Variants in LRP1 observed in about 807,000 individuals in gnomAD.
LRP1 encodes the protein prolow-density lipoprotein receptor-related protein 1.
A neutral mutation model predicts 541.5 loss-of-function variants in LRP1; 51 were observed. The ratio of observed to expected loss-of-function variants is 0.09; its 90% CI spans 0.08 to 0.12. The LOEUF is 0.12. Among genes scored for constraint, LRP1 ranks in the 10% least tolerant of loss-of-function variants. The pLI, the probability that LRP1 is intolerant of heterozygous loss-of-function variation, is 1.00. For synonymous variants in LRP1, 2,219 were observed against 2,470.8 expected (o/e 0.90, Z 3.02); for missense variants, 3,878 against 6,376.2 (o/e 0.61, Z 13.34).
chr12:57,206,528 C>A lies in LRP1; in HGVS notation c.11646C>A (p.Phe3882Leu). ...ATGACAATGAGATCCGCAGCCTGTTCCCCGGCCACCCCCATTCGGCTTACG... is the reference window on the plus strand; with the variant it reads ...ATGACAATGAGATCCGCAGCCTGTTACCCGGCCACCCCCATTCGGCTTACG... ...IADDNEIRSL[F>L]PGHPHSAYEQ... Residue 3882 changes from phenylalanine to leucine, a missense_variant, in exon 76 of 89, where the codon TTC (phenylalanine) becomes TTA (leucine). Coordinates refer to ENST00000243077, the MANE Select transcript of LRP1 (RefSeq NM_002332.3). This position sits in a 1 kb window ranked among gnomAD's most constrained non-coding sequence, Gnocchi z 4.7. 2 of 1,614,158 alleles carry A rather than the reference C, an allele frequency of 1.2e-6. No individual in the cohort carries two copies. Among genetic ancestry groups the A allele is most frequent in the Non-Finnish European group, 1.7e-6 (2 of 1,180,038 alleles).
At chr12:57,191,947 A>G (rs372447990) in intron 44 of LRP1, among the ~76,000 whole-genome samples, 2 of 87,184 alleles carry the variant, frequency 2.3e-5, no homozygotes, top group African/African-American at 4.7e-5. Context: ...CACACCACAT[A>G]CACACACCAC....
In LRP1 at chr12:57,145,285, G is replaced by A. The variant is rs760353175; in HGVS notation, c.636G>A (p.Thr212=). ...CCAACTCCCAGAACATCTTGGCCAC[G>A]TACCTGAGTGGGGCCCAGGTGTCTA... is the stretch of plus-strand genomic sequence containing the variant. The part of the protein sequence containing the change: ...LIANSQNILA[T]YLSGAQVSTI... The change falls in exon 6 of 89, where the codon ACG becomes ACA. Residue 212 remains threonine (T), a synonymous_variant. Coordinates refer to ENST00000243077, the MANE Select transcript of LRP1 (RefSeq NM_002332.3). 2.5e-6 allele frequency: 4 copies of A among 1,614,144 alleles called. No homozygotes were observed. Among genetic ancestry groups the A allele is most frequent in the South Asian group, 1.1e-5 (1 of 91,086 alleles).
chr12:57,138,357 G>A, intron 1 of LRP1, 102 bp from the exon 2 acceptor site: 1 of 1,427,960 alleles, frequency 7.0e-7, no homozygotes, highest in South Asian at 1.3e-5. Flanking sequence ...TGGGCCAGAT[G>A]GAGACTGATG....
chr12:57,204,614 CT>C lies in LRP1; in HGVS notation c.11072-12del. ...AGACTAATTCTGGCTCTGTGTCCCC[CT>C]GGCTGCTGCAGCCCGGTTCGTGTGC... On this transcript the variant is annotated splice_polypyrimidine_tract_variant and intron_variant, in intron 71 of 88. Transcript: ENST00000243077. This position sits in a 1 kb window ranked among gnomAD's most constrained non-coding sequence, Gnocchi z 5.3. 6.2e-7 allele frequency: 1 copy of C among 1,613,664 alleles called. No homozygotes were observed. Among genetic ancestry groups the C allele is most frequent in the Non-Finnish European group, 8.5e-7 (1 of 1,179,812 alleles).
At position 57,161,139 on chromosome 12, in the gene LRP1, G is replaced by A. The variant is rs147762601; in HGVS notation, c.2202+24G>A. On this transcript the variant is annotated intron_variant, in intron 13 of 88. Transcript: ENST00000243077. ...AGGTGGGCAGGCATGTGCCTGTGTG[G>A]GGGAATCTGTGTGTGTTGCTAGACC... The A allele has an allele frequency of 4.4e-6, 7 of 1,605,754 alleles. No individual in the cohort carries two copies. The African/African-American group carries it at 6.7e-5, about 15-fold the overall frequency.
chr12:57,146,797 G>A (rs1300479902), intron 6 of LRP1: 2 of 152,520 alleles, frequency 1.3e-5, no homozygotes, highest in East Asian at 1.9e-4. Context: ...AGCTCTTAAC[G>A]AGTGGGCGAC....
At position 57,210,359 on chromosome 12, in the gene LRP1, C is replaced by T; in HGVS notation, c.12633C>T (p.Phe4211=). 1 of 1,598,254 alleles carries T rather than the reference C, an allele frequency of 6.3e-7. No homozygotes were observed. Among genetic ancestry groups the T allele is most frequent in the Non-Finnish European group, 8.5e-7 (1 of 1,171,782 alleles). Reference sequence around the variant, plus strand: ...AGTGCTTCAACGGTGGCAGCTGTTTCCTCAATGCACGGAGGCAGCCCAAGT... The same window carrying T: ...AGTGCTTCAACGGTGGCAGCTGTTTTCTCAATGCACGGAGGCAGCCCAAGT... ...NLQCFNGGSC[F]LNARRQPKCR... The change falls in exon 82 of 89, where the codon TTC becomes TTT. Residue 4211 remains phenylalanine (F), a synonymous_variant. Coordinates refer to ENST00000243077, the MANE Select transcript of LRP1 (RefSeq NM_002332.3).
chr12:57,205,744 G>A lies in LRP1; in HGVS notation c.11590+67G>A, dbSNP rs537362455. 8 of 1,583,910 alleles carry A rather than the reference G, an allele frequency of 5.1e-6. No individual in the cohort carries two copies. Among genetic ancestry groups the A allele is most frequent in the South Asian group, 3.4e-5 (3 of 89,330 alleles). On this transcript the variant is annotated intron_variant, in intron 75 of 88. Transcript: ENST00000243077. This position sits in a 1 kb window ranked among gnomAD's most constrained non-coding sequence, Gnocchi z 4.6. ...GGCGACCAGGATATCAAACGGGGCC[G>A]ACTTGGAATGGAATGTCTTCCTGCG...
In LRP1 at chr12:57,178,642, A is replaced by G. The variant is rs2036098552; in HGVS notation, c.4606+39A>G. The G allele has an allele frequency of 6.2e-7, 1 of 1,612,728 alleles. No homozygotes were observed. Among genetic ancestry groups the G allele is most frequent in the East Asian group, 2.2e-5 (1 of 44,850 alleles). ...GGCCTCGAGCAGCCGGAAGGGAGCCAGCAGCCTCTTTAGAAGCTGTAGAAG... is the reference window on the plus strand; with the variant it reads ...GGCCTCGAGCAGCCGGAAGGGAGCCGGCAGCCTCTTTAGAAGCTGTAGAAG... On this transcript the variant is annotated intron_variant, in intron 27 of 88. Coordinates refer to ENST00000243077, the MANE Select transcript of LRP1 (RefSeq NM_002332.3). The surrounding 1 kb of genome is among the most constrained non-coding windows in gnomAD (Gnocchi z 5.8).
chr12:57,209,597 G>A, intron 79 of LRP1, 95 bp from the exon 80 acceptor site: 5 of 1,052,758 alleles, frequency 4.7e-6, no homozygotes, highest in South Asian at 1.4e-5. Context: ...TGTTGAGTTT[G>A]AGGTGTCTGG....
chr12:57,158,852 C>T lies in LRP1; in HGVS notation c.1798+214C>T, dbSNP rs1212564909. ...GTTAGGATGGGTTAGGCAGCATGGG[C>T]CGTCCTTGCCAGCCCTTGGGAAAAC... is the stretch of plus-strand genomic sequence containing the variant. On this transcript the variant is annotated intron_variant, in intron 11 of 88. Coordinates refer to ENST00000243077, the MANE Select transcript of LRP1 (RefSeq NM_002332.3). This position sits in a 1 kb window ranked among gnomAD's most constrained non-coding sequence, Gnocchi z 5.3. Among the ~76,000 whole-genome samples the T allele has an allele frequency of 6.6e-6, 1 of 152,160 alleles. No homozygotes were observed. Among genetic ancestry groups the T allele is most frequent in the Non-Finnish European group, 1.5e-5 (1 of 68,018 alleles).
intron 6 of LRP1, among the ~76,000 whole-genome samples, chr12:57,145,808 T>G (rs1212169117): frequency 2.0e-5 from 3 of 152,104 alleles, no homozygotes; most frequent in African/African-American, 7.2e-5. Flanking sequence ...GCAGAGGGAC[T>G]TTCCGGTGCA....
rs144580474 is a variant in LRP1, at chr12:57,185,874, C to T, written c.6807C>T (p.Asn2269=). 1,420 of 1,614,032 alleles carry T rather than the reference C, an allele frequency of 8.8e-4. 12 individuals carry two copies. In the African/African-American group the frequency reaches 0.016, roughly 18 times the overall value. Residue 2269 remains asparagine, a synonymous_variant, in exon 41 of 89, where the codon AAC becomes AAT. Coordinates refer to ENST00000243077, the MANE Select transcript of LRP1 (RefSeq NM_002332.3). This position sits in a 1 kb window ranked among gnomAD's most constrained non-coding sequence, Gnocchi z 4.9. ...DIHFGNIQQI[N]DDGSRRITIV... is the part of the protein sequence containing the mutation. ...ACTTTGGGAACATCCAACAGATCAACGACGATGGCTCCAGGAGGATCACCA... is the reference window on the plus strand; with the variant it reads ...ACTTTGGGAACATCCAACAGATCAATGACGATGGCTCCAGGAGGATCACCA...
Position 57,202,543 on chromosome 12 carries a change from T to TGGC in LRP1, c.10711+6_10711+7insGGC. ...CTCCGATGAAGAGAGCTGCAGTACG[T>TGGC]CCCCACCCACCCAGCCCCGCATGAG... On this transcript the variant is annotated splice_region_variant and intron_variant, in intron 68 of 88. Transcript: ENST00000243077. 5.6e-5 allele frequency: 85 copies of TGGC among 1,523,132 alleles called. No individual in the cohort carries two copies. Among genetic ancestry groups the TGGC allele is most frequent in the Non-Finnish European group, 6.6e-5 (74 of 1,124,352 alleles). The allele number at this position is 1,523,132 out of a possible 1,614,324, so 94.4% of individuals were successfully genotyped here.
intron 42 of LRP1, among the ~76,000 whole-genome samples, chr12:57,190,404 C>T (rs1319208006): frequency 6.6e-6 from 1 of 152,244 alleles, no homozygotes; most frequent in Non-Finnish European, 1.5e-5. Flanking sequence ...GTGCTACCAT[C>T]CCCACCTCAT....
intron 42 of LRP1, among the ~76,000 whole-genome samples, 193 bp downstream of exon 42, chr12:57,187,649 G>A (rs1424632181): frequency 6.6e-6 from 1 of 152,196 alleles, no homozygotes; most frequent in African/African-American, 2.4e-5. Flanking sequence ...GATACAAGCT[G>A]GCTAAGATTC....
chr12:57,176,201 C>A, intron 24 of LRP1, 95 bp downstream of exon 24: 1 of 1,229,374 alleles, frequency 8.1e-7, no homozygotes, highest in Admixed American at 2.1e-5. Flanking sequence ...AAAGCAGAGG[C>A]TTGGCTCCCC....
chr12:57,194,806 C>T (rs568462127), intron 50 of LRP1, 107 bp downstream of exon 50: 414 of 1,385,146 alleles, frequency 3.0e-4, no homozygotes, highest in Admixed American at 3.8e-4. Flanking sequence ...GAGCCTTCAA[C>T]CCCCTGCCCC....
Position 57,205,248 on chromosome 12 carries a change from C to T in LRP1, c.11334C>T (p.Ile3778=), listed in dbSNP as rs138595744. The part of the protein sequence containing the change: ...GDGSDEEDCS[I]DPKLTSCATN... ...GCTCTGACGAGGAGGACTGCAGCATCGGTGAGGCCCGGCAGCGGACCGGAC... is the reference window on the plus strand; with the variant it reads ...GCTCTGACGAGGAGGACTGCAGCATTGGTGAGGCCCGGCAGCGGACCGGAC... Residue 3778 remains isoleucine (I), a splice_region_variant and synonymous_variant, in exon 73 of 89, where the codon ATC becomes ATT. Coordinates refer to ENST00000243077, the MANE Select transcript of LRP1 (RefSeq NM_002332.3). This position sits in a 1 kb window ranked among gnomAD's most constrained non-coding sequence, Gnocchi z 4.6. The T allele has an allele frequency of 7.5e-6, 12 of 1,608,930 alleles. No individual in the cohort carries two copies. The highest frequency in any genetic ancestry group is 2.7e-5 in the African/African-American group (2 of 74,878).
Sources: gnomAD v4.1 joint callset for allele counts (sites outside exome capture counted in the v4.1 genomes callset) on GRCh38, gnomAD v4.1.1 for gene constraint, Gnocchi (gnomAD v3.1) non-coding constraint, MANE v1.5 for transcripts, NCBI Gene and HGNC (gene_info 2026-07-23, HGNC 2026-07-21) for gene names.